The following EPB41L2 variants were observed in gnomAD, a reference collection of about 807,000 sequenced individuals.
EPB41L2 encodes erythrocyte membrane protein band 4.1 like 2, also known as band 4.1-like protein 2.
In EPB41L2, 43 loss-of-function variants were observed where a neutral mutation model predicts 113.0. The ratio of observed to expected loss-of-function variants is 0.38; its 90% CI spans 0.30 to 0.49. The LOEUF is 0.49. Among genes scored for constraint, EPB41L2 ranks in the 20% least tolerant of loss-of-function variants. EPB41L2 has a pLI of 0.95. For missense variants in EPB41L2, 1,147 were observed against 1,223.4 expected (o/e 0.94, Z 0.93); for synonymous variants, 442 against 436.7 (o/e 1.01, Z -0.15).
chr6:130,962,149 G>A (rs1773740268), intron 1 of EPB41L2, among the ~76,000 whole-genome samples: 1 of 151,904 alleles, frequency 6.6e-6, no homozygotes, highest in Non-Finnish European at 1.5e-5. Context: ...CATCAAACGT[G>A]AGGGAAAAAA....
intron 19 of EPB41L2, among the ~76,000 whole-genome samples, chr6:130,846,660 C>A (rs778471380): frequency 1.3e-5 from 2 of 152,206 alleles, no homozygotes; most frequent in African/African-American, 2.4e-5. Context: ...TCTTAGGAGG[C>A]TCTTCTGTGG....
intron 1 of EPB41L2, among the ~76,000 whole-genome samples, chr6:131,043,235 A>C (rs1055132881): frequency 6.6e-5 from 10 of 152,132 alleles, no homozygotes; most frequent in African/African-American, 2.4e-4. Context: ...CGGGATGCAG[A>C]GGTTGCAGTG....
At position 130,901,191 on chromosome 6, in the gene EPB41L2, C is replaced by T. The variant is rs1302266201; in HGVS notation, c.930-11G>A. The T allele has an allele frequency of 6.2e-7, 1 of 1,611,998 alleles. No individual in the cohort carries two copies. Among genetic ancestry groups the T allele is most frequent in the Non-Finnish European group, 8.5e-7 (1 of 1,179,496 alleles). ...AGGCACAAGAAGTATCTGTGAGGAGCAGAGGGAGAAATGGGTCAGGGGAGA... is the reference window on the plus strand; with the variant it reads ...AGGCACAAGAAGTATCTGTGAGGAGTAGAGGGAGAAATGGGTCAGGGGAGA... On this transcript the variant is annotated splice_polypyrimidine_tract_variant and intron_variant, in intron 6 of 19. Transcript: ENST00000337057.
At chr6:130,846,617 G>C (rs1777113113) in intron 19 of EPB41L2, among the ~76,000 whole-genome samples, 1 of 152,134 alleles carries the variant, frequency 6.6e-6, no homozygotes, top group Non-Finnish European at 1.5e-5. Context: ...CTGGTTTGCT[G>C]GAACATGTTC....
chr6:131,027,650 T>C (rs922437766), intron 1 of EPB41L2, among the ~76,000 whole-genome samples: 2 of 152,164 alleles, frequency 1.3e-5, no homozygotes, highest in Non-Finnish European at 2.9e-5. Flanking sequence ...TTCTGAAAAG[T>C]TTATATGAAA....
At chr6:130,869,071 T>C (rs2128446247) in intron 15 of EPB41L2, among the ~76,000 whole-genome samples, 1 of 152,310 alleles carries the variant, frequency 6.6e-6, no homozygotes, top group South Asian at 2.1e-4. Context: ...AATCAGAGAC[T>C]GCTGTCATTT....
chr6:130,952,809 C>CAAAA (rs200951794), intron 3 of EPB41L2, among the ~76,000 whole-genome samples: 1 of 140,742 alleles, frequency 7.1e-6, no homozygotes, highest in African/African-American at 2.6e-5. Context: ...GACTCCATCT[C>CAAAA]AAAAAAAAAA....
intron 12 of EPB41L2, chr6:130,883,110 T>C (rs1380175216): frequency 6.6e-6 from 1 of 152,596 alleles, no homozygotes; most frequent in Non-Finnish European, 1.5e-5. Context: ...GGCAATAGGT[T>C]TGGGGAAAAA....
intron 1 of EPB41L2, among the ~76,000 whole-genome samples, chr6:130,977,360 C>T (rs1778420507): frequency 6.6e-6 from 1 of 152,014 alleles, no homozygotes; most frequent in African/African-American, 2.4e-5. Context: ...AGATTATTTA[C>T]ATAGCAAATC....
At chr6:131,012,980 T>A (rs900626920) in intron 1 of EPB41L2, among the ~76,000 whole-genome samples, 12 of 152,136 alleles carry the variant, frequency 7.9e-5, no homozygotes, top group Non-Finnish European at 8.8e-5. Context: ...TAGCAACACA[T>A]AGACAGGACT....
intron 1 of EPB41L2, among the ~76,000 whole-genome samples, chr6:130,960,246 AG>A (rs1818903780): frequency 6.6e-6 from 1 of 152,254 alleles, no homozygotes; most frequent in Non-Finnish European, 1.5e-5. Context: ...TCCTTGGCCT[AG>A]TACTCAAAGA....
intron 4 of EPB41L2, among the ~76,000 whole-genome samples, chr6:130,922,618 G>A (rs891697043): frequency 1.3e-5 from 2 of 152,136 alleles, no homozygotes; most frequent in African/African-American, 2.4e-5. Context: ...TATAAGTGTA[G>A]TTAATAGTAC....
At chr6:130,944,789 C>T (rs1484797635) in intron 3 of EPB41L2, among the ~76,000 whole-genome samples, 1 of 152,068 alleles carries the variant, frequency 6.6e-6, no homozygotes, top group Non-Finnish European at 1.5e-5. Context: ...AAAAGATAGC[C>T]TGAGGTTATA....
chr6:130,930,752 G>GAC (rs1806548214), intron 3 of EPB41L2, among the ~76,000 whole-genome samples: 1 of 151,798 alleles, frequency 6.6e-6, no homozygotes, highest in Admixed American at 6.6e-5. Context: ...ATTATTGAGA[G>GAC]ACACAGTATC....
chr6:130,945,917 TC>T (rs1318267332), intron 3 of EPB41L2, among the ~76,000 whole-genome samples: 1 of 152,070 alleles, frequency 6.6e-6, no homozygotes, highest in African/African-American at 2.4e-5. Context: ...TAGAGTCAAG[TC>T]CCTGAAGTAA....
intron 1 of EPB41L2, among the ~76,000 whole-genome samples, chr6:131,029,164 T>C (rs1471696882): frequency 6.6e-6 from 1 of 152,124 alleles, no homozygotes; most frequent in Non-Finnish European, 1.5e-5. Context: ...TATTTCATAT[T>C]TGCATGGGTA....
At chr6:131,033,118 T>C (rs6909134) in intron 1 of EPB41L2, among the ~76,000 whole-genome samples, 114,014 of 152,068 alleles carry the variant, frequency 0.75, 42,974 homozygotes, top group African/African-American at 0.78. Flanking sequence ...TCGTGATTCA[T>C]CTGCCTCGGC....
chr6:130,910,279 A>C (rs1189095552), intron 4 of EPB41L2, among the ~76,000 whole-genome samples: 1 of 152,226 alleles, frequency 6.6e-6, no homozygotes, highest in East Asian at 1.9e-4. Flanking sequence ...GCAATGAGGA[A>C]AGGATTCCCT....
At chr6:130,910,722 T>G (rs1038226002) in intron 4 of EPB41L2, among the ~76,000 whole-genome samples, 4 of 152,162 alleles carry the variant, frequency 2.6e-5, no homozygotes, top group African/African-American at 9.7e-5. Context: ...AGGATATGAA[T>G]AGACACTTCT....
Sources: gnomAD v4.1 joint callset for allele counts (sites outside exome capture counted in the v4.1 genomes callset) on GRCh38, gnomAD v4.1.1 for gene constraint, MANE v1.5 for transcripts, NCBI Gene and HGNC (gene_info 2026-07-23, HGNC 2026-07-21) for gene names.